DGKK: variants seen among roughly 807,000 people sequenced by gnomAD.
The protein encoded by DGKK is diacylglycerol kinase kappa.
A neutral mutation model predicts 92.2 loss-of-function variants in DGKK; 35 were observed. That is an observed-to-expected ratio of 0.38 (90% confidence interval 0.29 to 0.50). The LOEUF is 0.50. Ranked by LOEUF, DGKK falls within the 20% of genes least tolerant of loss-of-function variation. DGKK has a pLI of 0.92. For missense variants in DGKK, 910 were observed against 992.2 expected (o/e 0.92, Z 1.11); for synonymous variants, 368 against 360.6 (o/e 1.02, Z -0.23).
chrX:50,386,509 T>C lies in DGKK; in HGVS notation c.2196A>G (p.Lys732=), dbSNP rs1557224973. ...TGCTGTCTGCATATTCTGTAGCACT[T>C]TTTTCAGCAGAAGTAGCTGCTGCCT... The part of the protein sequence containing the change: ...AEEAAATSAE[K]SATEYADSSK... Residue 732 remains lysine, a synonymous_variant, in exon 15 of 28, where the codon AAA becomes AAG. Transcript: ENST00000611977. 8.3e-7 allele frequency: 1 copy of C among 1,211,175 alleles called. No individual in the cohort carries two copies.
At chrX:50,420,145 C>T (rs1925541890) in intron 4 of DGKK, among the ~76,000 whole-genome samples, 1 of 111,688 alleles carries the variant, frequency 9.0e-6, no homozygotes, top group Non-Finnish European at 1.9e-5. Flanking sequence ...TTGAGTGACT[C>T]ATCCATTGGG....
chrX:50,448,990 C>G (rs1926431493), intron 1 of DGKK, among the ~76,000 whole-genome samples: 1 of 111,461 alleles, frequency 9.0e-6, no homozygotes, highest in South Asian at 3.8e-4. Context: ...CCTTTTATCC[C>G]AGAGCAGGGG....
At chrX:50,446,913 GTGTGCA>G (rs1210986484) in intron 1 of DGKK, among the ~76,000 whole-genome samples, 1 of 110,568 alleles carries the variant, frequency 9.0e-6, no homozygotes, top group African/African-American at 3.3e-5. Context: ...GTGCATGCAT[GTGTGCA>G]TGTGCATGTA....
chrX:50,382,763 C>A (rs1924444797), intron 17 of DGKK, among the ~76,000 whole-genome samples, 160 bp from the exon 18 acceptor site: 1 of 111,533 alleles, frequency 9.0e-6, no homozygotes, highest in Non-Finnish European at 1.9e-5. Context: ...ATGTAGATAT[C>A]CTTTTGTGTG....
chrX:50,410,821 T>C (rs373737649), intron 4 of DGKK, among the ~76,000 whole-genome samples: 1 of 111,774 alleles, frequency 8.9e-6, no homozygotes, highest in South Asian at 3.8e-4. Flanking sequence ...AGGCAGATAT[T>C]CAACTTCCTC....
intron 6 of DGKK, 55 bp downstream of exon 6, chrX:50,403,436 T>C (rs962497721): frequency 2.8e-6 from 3 of 1,074,018 alleles, no homozygotes; most frequent in Non-Finnish European, 2.6e-6. Flanking sequence ...CTGTGTATCC[T>C]GGTTGAAGGG....
At chrX:50,413,305 A>T (rs782449612) in intron 4 of DGKK, among the ~76,000 whole-genome samples, 1 of 112,199 alleles carries the variant, frequency 8.9e-6, no homozygotes, top group East Asian at 2.8e-4. Context: ...CTGGGCAAGG[A>T]TGTTTTGGCT....
chrX:50,462,274 G>A (rs1926764139), intron 1 of DGKK, among the ~76,000 whole-genome samples: 1 of 110,091 alleles, frequency 9.1e-6, no homozygotes, highest in African/African-American at 3.3e-5. Context: ...GGATTAAAAT[G>A]TATCATCCTT....
chrX:50,448,840 T>A (rs1557232243), intron 1 of DGKK, among the ~76,000 whole-genome samples: 1 of 111,265 alleles, frequency 9.0e-6, no homozygotes, highest in African/African-American at 3.3e-5. Flanking sequence ...GGAATAATGG[T>A]CTTCATTGCC....
intron 1 of DGKK, among the ~76,000 whole-genome samples, chrX:50,438,539 A>G (rs1319943008): frequency 1.8e-5 from 2 of 111,883 alleles, no homozygotes; most frequent in African/African-American, 6.5e-5. Flanking sequence ...TTTCCTGGAA[A>G]GTGGGGAGTG....
chrX:50,414,036 C>T (rs1274539932), intron 4 of DGKK, among the ~76,000 whole-genome samples: 2 of 111,678 alleles, frequency 1.8e-5, no homozygotes, highest in African/African-American at 3.3e-5. Context: ...ATTAAAGAAG[C>T]GGGGAATTCT....
intron 1 of DGKK, among the ~76,000 whole-genome samples, chrX:50,445,581 A>G (rs1557231747): frequency 9.0e-6 from 1 of 111,281 alleles, no homozygotes; most frequent in African/African-American, 3.3e-5. Flanking sequence ...GTAGAAAATC[A>G]GATGGTTATA....
chrX:50,376,821 A>G lies in DGKK; in HGVS notation c.3209T>C (p.Leu1070Pro). Residue 1070 changes from leucine (L) to proline (P), a missense_variant, in exon 23 of 28, where the codon CTC becomes CCC. Leu to Pro is a moderately conservative substitution (Grantham distance 98). Transcript: ENST00000611977. ...CATCTGGGCATACTCCTCGTCAGAG[A>G]GGCTCTCTTGAGAGTCCTGGAAGTC... ...QLDFQDSQESLSDEEYAQMQH... is the reference protein window; with the variant it reads ...QLDFQDSQESPSDEEYAQMQH... 8.3e-7 allele frequency: 1 copy of G among 1,208,144 alleles called. No individual in the cohort carries two copies. Among genetic ancestry groups the G allele is most frequent in the Non-Finnish European group, 1.1e-6 (1 of 893,607 alleles).
intron 4 of DGKK, among the ~76,000 whole-genome samples, chrX:50,407,475 C>CAG (rs781961955): frequency 8.3e-5 from 9 of 107,904 alleles, no homozygotes; most frequent in Non-Finnish European, 1.2e-4. Flanking sequence ...CGTGTGCATG[C>CAG]AGAGAGAGAG....
chrX:50,429,067 A>G (rs988580110), intron 1 of DGKK, among the ~76,000 whole-genome samples: 22 of 112,111 alleles, frequency 2.0e-4, no homozygotes, highest in Non-Finnish European at 1.9e-5. Flanking sequence ...GAGGCACTGA[A>G]GGGAGAACCC....
intron 6 of DGKK, 46 bp from the exon 7 acceptor site, chrX:50,403,229 A>G: frequency 8.7e-7 from 1 of 1,145,070 alleles, no homozygotes; most frequent in Non-Finnish European, 1.2e-6. Flanking sequence ...TAGAGACATA[A>G]GGAGAGGAAG....
At position 50,378,635 on chromosome X, in the gene DGKK, A is replaced by G. The variant is rs782048910; in HGVS notation, c.2919T>C (p.Gly973=). 1.7e-6 allele frequency: 2 copies of G among 1,209,867 alleles called. No individual in the cohort carries two copies. The highest frequency in any genetic ancestry group is 2.2e-6 in the Non-Finnish European group (2 of 894,739). The change falls in exon 21 of 28, where the codon GGT becomes GGC. Residue 973 remains glycine, a synonymous_variant. Transcript: ENST00000611977. ...DGKLEVVAIF[G]SVQMAMSRII... ...TACGGGACATTGCCATCTGCACAGA[A>G]CCAAAGATTGCCACCACCTCCAGTT...
intron 1 of DGKK, among the ~76,000 whole-genome samples, chrX:50,427,460 T>C (rs1168365653): frequency 1.8e-5 from 2 of 109,909 alleles, no homozygotes; most frequent in Admixed American, 2.0e-4. Flanking sequence ...TTGTCAAAAC[T>C]CATAGAATGT....
intron 23 of DGKK, 95 bp downstream of exon 23, chrX:50,376,663 G>A (rs910477913): frequency 1.1e-6 from 1 of 880,026 alleles, no homozygotes; most frequent in Non-Finnish European, 1.5e-6. Flanking sequence ...TCCTCTCTGA[G>A]GCCAGGCTCC....
Sources: gnomAD v4.1 joint callset for allele counts (sites outside exome capture counted in the v4.1 genomes callset) on GRCh38, gnomAD v4.1.1 for gene constraint, MANE v1.5 for transcripts, NCBI Gene and HGNC (gene_info 2026-07-23, HGNC 2026-07-21) for gene names.